Variants in ASTN2 observed in about 807,000 individuals in gnomAD.
ASTN2 encodes astrotactin-2.
A neutral mutation model predicts 139.8 loss-of-function variants in ASTN2; 54 were observed. That is an observed-to-expected ratio of 0.39 (90% CI 0.31 to 0.48). The LOEUF (loss-of-function observed/expected upper bound fraction) is 0.48. ASTN2 is among the 20% of genes least tolerant of loss of function. The pLI, the probability that ASTN2 is intolerant of heterozygous loss-of-function variation, is 0.95. For missense variants in ASTN2, 1,565 were observed against 1,725.1 expected (o/e 0.91, Z 1.64); for synonymous variants, 756 against 719.5 (o/e 1.05, Z -0.81).
chr9:116,916,831 C>CA (rs919825180), intron 10 of ASTN2, among the ~76,000 whole-genome samples: 14 of 150,614 alleles, frequency 9.3e-5, no homozygotes, highest in African/African-American at 2.0e-4. Flanking sequence ...GACCCAGTCT[C>CA]AAAAAAACAA....
intron 16 of ASTN2, among the ~76,000 whole-genome samples, chr9:116,715,702 C>T (rs895869351): frequency 4.6e-5 from 7 of 152,156 alleles, no homozygotes; most frequent in Non-Finnish European, 8.8e-5. Flanking sequence ...ATTAGTCTTT[C>T]CCATTTGACT....
At chr9:117,385,863 T>C (rs576893484) in intron 1 of ASTN2, among the ~76,000 whole-genome samples, 57 of 152,248 alleles carry the variant, frequency 3.7e-4, no homozygotes, top group African/African-American at 1.3e-3. Context: ...ACCTAGGAGT[T>C]ATATTTCATG....
At chr9:116,436,802 A>G (rs972722621) in intron 22 of ASTN2, among the ~76,000 whole-genome samples, 5 of 151,954 alleles carry the variant, frequency 3.3e-5, no homozygotes, top group African/African-American at 9.7e-5. Context: ...AAGACTTGGA[A>G]CCAACCCAAA....
At chr9:117,093,547 C>T (rs1828759143) in intron 5 of ASTN2, among the ~76,000 whole-genome samples, 1 of 152,142 alleles carries the variant, frequency 6.6e-6, no homozygotes, top group African/African-American at 2.4e-5. Context: ...CCTGGACCTC[C>T]CTTGGCTCAC....
In ASTN2 at chr9:116,791,024, AAAG is replaced by A. The variant is rs1350911007; in HGVS notation, c.2396+14605_2396+14607del. Reference sequence around the variant, plus strand: ...GAAAGAAAGAAAGAAAGAAAGAAAGAAAGAAAGAAAGAAAGAAAGAAAAGAAAA... The same window carrying A: ...GAAAGAAAGAAAGAAAGAAAGAAAGAAAAGAAAGAAAGAAAGAAAAGAAAA... On this transcript the variant is annotated intron_variant, in intron 13 of 22. Coordinates refer to ENST00000313400, the MANE Select transcript of ASTN2 (RefSeq NM_001365068.1). 4.2e-4 allele frequency among the ~76,000 whole-genome samples: 55 copies of A among 129,596 alleles called. 1 individual carries two copies. The highest frequency in any genetic ancestry group is 1.4e-3 in the East Asian group (3 of 2,084). 85.0% of individuals were successfully genotyped at this position (129,596 alleles called of 152,430 possible).
chr9:116,872,772 G>GA (rs1833200274), intron 10 of ASTN2, among the ~76,000 whole-genome samples: 23 of 152,176 alleles, frequency 1.5e-4, no homozygotes, highest in Admixed American at 1.5e-3. Flanking sequence ...ATTCTAGGGA[G>GA]AAGGAAAGAA....
At chr9:117,177,288 T>G (rs2132938320) in intron 3 of ASTN2, among the ~76,000 whole-genome samples, 1 of 152,332 alleles carries the variant, frequency 6.6e-6, no homozygotes, top group East Asian at 1.9e-4. Flanking sequence ...TAGCCTTGTT[T>G]TATTATTATC....
chr9:116,912,385 A>T (rs1417035176), intron 10 of ASTN2, among the ~76,000 whole-genome samples: 3 of 152,248 alleles, frequency 2.0e-5, no homozygotes, highest in Admixed American at 6.5e-5. Flanking sequence ...GGCACCCAGT[A>T]GGTGCTCAGA....
chr9:116,602,554 A>T (rs1424701001), intron 19 of ASTN2, among the ~76,000 whole-genome samples: 2 of 152,196 alleles, frequency 1.3e-5, no homozygotes, highest in Non-Finnish European at 2.9e-5. Context: ...TGCATGAAAA[A>T]TGTTAAATTG....
chr9:117,230,873 C>T (rs1291839066), intron 2 of ASTN2, among the ~76,000 whole-genome samples: 1 of 152,158 alleles, frequency 6.6e-6, no homozygotes, highest in African/African-American at 2.4e-5. Context: ...ACAATAAATC[C>T]TTTCTGACAC....
At chr9:116,963,508 G>A (rs571958726) in intron 10 of ASTN2, among the ~76,000 whole-genome samples, 3 of 152,288 alleles carry the variant, frequency 2.0e-5, no homozygotes, top group African/African-American at 7.2e-5. Context: ...GCAGGAAACA[G>A]CCATGGCCCA....
intron 10 of ASTN2, among the ~76,000 whole-genome samples, chr9:116,968,406 G>A (rs560361682): frequency 9.2e-5 from 14 of 152,260 alleles, no homozygotes; most frequent in Admixed American, 7.8e-4. Flanking sequence ...ATCTGTTGGG[G>A]ACCCTGGAGC....
intron 3 of ASTN2, among the ~76,000 whole-genome samples, chr9:117,198,949 G>A (rs528212339): frequency 2.8e-4 from 42 of 152,226 alleles, no homozygotes; most frequent in Non-Finnish European, 5.1e-4. Flanking sequence ...AGAAGTGTCT[G>A]TTCATATCCT....
At chr9:117,255,045 A>G (rs1480426742) in intron 2 of ASTN2, among the ~76,000 whole-genome samples, 1 of 152,246 alleles carries the variant, frequency 6.6e-6, no homozygotes, top group African/African-American at 2.4e-5. Context: ...TATATGAAAC[A>G]CAAATAATCA....
intron 10 of ASTN2, among the ~76,000 whole-genome samples, chr9:116,924,407 G>GT (rs1404205389): frequency 7.0e-6 from 1 of 143,274 alleles, no homozygotes; most frequent in Admixed American, 7.1e-5. Flanking sequence ...TCCAGCCTGG[G>GT]TGACAGAGCA....
At chr9:117,395,451 C>A (rs986929658) in intron 1 of ASTN2, among the ~76,000 whole-genome samples, 1 of 152,190 alleles carries the variant, frequency 6.6e-6, no homozygotes, top group Non-Finnish European at 1.5e-5. Flanking sequence ...ATACTCTGCA[C>A]CTCATAAAAC....
At chr9:117,072,107 TTCATACACTTCAAGTCCATGCTCTTA>T (rs1423731532) in intron 5 of ASTN2, among the ~76,000 whole-genome samples, 24 of 152,160 alleles carry the variant, frequency 1.6e-4, no homozygotes, top group Admixed American at 1.4e-3. Context: ...GGACTTGAAA[TTCATACACTTCAAGTCCATGCTCTTA>T]AACACTACAT....
intron 11 of ASTN2, among the ~76,000 whole-genome samples, chr9:116,848,657 G>C (rs564641958): frequency 1.5e-3 from 226 of 152,212 alleles, no homozygotes; most frequent in African/African-American, 5.3e-3. Flanking sequence ...GTGTGACATA[G>C]GAAAAACAAA....
intron 10 of ASTN2, among the ~76,000 whole-genome samples, chr9:116,937,771 A>G (rs1442210162): frequency 1.3e-5 from 2 of 152,206 alleles, no homozygotes; most frequent in African/African-American, 4.8e-5. Flanking sequence ...GGTATTATAC[A>G]TAATTAATTT....
Sources: gnomAD v4.1 joint callset for allele counts (sites outside exome capture counted in the v4.1 genomes callset) on GRCh38, gnomAD v4.1.1 for gene constraint, MANE v1.5 for transcripts, NCBI Gene and HGNC (gene_info 2026-07-23, HGNC 2026-07-21) for gene names.